The following CARMIL1 variants were observed in gnomAD, a reference collection of about 807,000 sequenced individuals.
CARMIL1 encodes the protein capping protein regulator and myosin 1 linker 1.
A neutral mutation model predicts 177.1 loss-of-function variants in CARMIL1; 90 were observed. The ratio of observed to expected loss-of-function variants is 0.51; its 90% CI spans 0.43 to 0.61. The LOEUF (loss-of-function observed/expected upper bound fraction) is 0.61, where lower values mean the gene tolerates loss of function less well. Among genes scored for constraint, CARMIL1 ranks in the 20% least tolerant of loss-of-function variants. The pLI is 0.00. For synonymous variants in CARMIL1, 577 were observed against 606.2 expected, an observed-to-expected ratio of 0.95 and a Z score of 0.71; for missense variants, 1,380 against 1,667.0, an observed-to-expected ratio of 0.83 and a Z score of 3.00.
intron 2 of CARMIL1, among the ~76,000 whole-genome samples, chr6:25,400,829 A>G (rs1300471489): frequency 1.3e-5 from 2 of 152,208 alleles, no homozygotes; most frequent in Admixed American, 1.3e-4. Context: ...CAGTGTCATC[A>G]TGAAACATAT....
chr6:25,456,340 C>T (rs1210220632), intron 8 of CARMIL1, among the ~76,000 whole-genome samples: 2 of 152,120 alleles, frequency 1.3e-5, no homozygotes, highest in Non-Finnish European at 2.9e-5. Flanking sequence ...GAATCTAGGA[C>T]CAGTCCCTCT....
intron 3 of CARMIL1, among the ~76,000 whole-genome samples, chr6:25,421,671 A>G (rs1044738314): frequency 2.3e-5 from 3 of 130,962 alleles, no homozygotes; most frequent in Non-Finnish European, 3.3e-5. Context: ...TGGCACATAT[A>G]CACCATGGAA....
At position 25,312,915 on chromosome 6, in the gene CARMIL1, A is replaced by AC. The variant is rs66466451; in HGVS notation, c.138+28006_138+28007insC. On this transcript the variant is annotated intron_variant, in intron 2 of 36. Coordinates refer to ENST00000329474, the MANE Select transcript of CARMIL1 (RefSeq NM_017640.6). ...TTTGCATGACTCAGTTAAAAAAAAA[A>AC]AAAAAAAAAAAAAAAACCAGAGGAG... Among the ~76,000 whole-genome samples, 7 of 118,230 alleles carry AC rather than the reference A, an allele frequency of 5.9e-5. No individual in the cohort carries two copies. The East Asian group carries it at 1.8e-3, about 30-fold the overall frequency. 77.6% of individuals were successfully genotyped at this position (118,230 alleles called of 152,430 possible).
chr6:25,599,278 C>T (rs1460709021), intron 32 of CARMIL1, among the ~76,000 whole-genome samples: 1 of 152,226 alleles, frequency 6.6e-6, no homozygotes, highest in East Asian at 1.9e-4. Context: ...GTCTCCCCGA[C>T]TGTTGGCTTA....
intron 2 of CARMIL1, among the ~76,000 whole-genome samples, chr6:25,374,699 A>G (rs1238694408): frequency 6.6e-6 from 1 of 152,184 alleles, no homozygotes; most frequent in Non-Finnish European, 1.5e-5. Flanking sequence ...TCTGGAGTTC[A>G]AGACTTAGGT....
In CARMIL1 at chr6:25,420,100, C is replaced by A; in HGVS notation, c.139-14C>A. 3 of 1,610,016 alleles carry A rather than the reference C, an allele frequency of 1.9e-6. No homozygotes were observed. Among genetic ancestry groups the A allele is most frequent in the Non-Finnish European group, 2.6e-6 (3 of 1,176,384 alleles). ...TTTGGTGCTTATACTGATGCTGCTGCTTCTGTCTTACAGGTCCTTACATCA... is the reference window on the plus strand; with the variant it reads ...TTTGGTGCTTATACTGATGCTGCTGATTCTGTCTTACAGGTCCTTACATCA... On this transcript the variant is annotated splice_polypyrimidine_tract_variant and intron_variant, in intron 2 of 36. Transcript: ENST00000329474.
At chr6:25,523,493 A>G (rs1806780307) in intron 23 of CARMIL1, among the ~76,000 whole-genome samples, 1 of 152,196 alleles carries the variant, frequency 6.6e-6, no homozygotes, top group Non-Finnish European at 1.5e-5. Context: ...ATCCAGTGAA[A>G]CAGTATATGT....
intron 2 of CARMIL1, among the ~76,000 whole-genome samples, chr6:25,296,378 G>A (rs2744294): frequency 0.72 from 109,917 of 152,110 alleles, 40,393 homozygotes; most frequent in African/African-American, 0.85. Context: ...GCTTTTCTGT[G>A]TCCTTTCAAA....
intron 33 of CARMIL1, among the ~76,000 whole-genome samples, chr6:25,601,384 G>A (rs1235985822): frequency 6.6e-6 from 1 of 152,254 alleles, no homozygotes; most frequent in East Asian, 1.9e-4. Flanking sequence ...ATGTTCCGGG[G>A]CCAGGTGAAA....
At chr6:25,588,359 G>A (rs1813971501) in intron 31 of CARMIL1, among the ~76,000 whole-genome samples, 1 of 151,864 alleles carries the variant, frequency 6.6e-6, no homozygotes, top group Non-Finnish European at 1.5e-5. Context: ...CTGGCCAGGG[G>A]ACACTACAGT....
chr6:25,329,148 A>G (rs1027666357), intron 2 of CARMIL1, among the ~76,000 whole-genome samples: 20 of 152,230 alleles, frequency 1.3e-4, no homozygotes, highest in Admixed American at 2.6e-4. Context: ...TATTTAAAAA[A>G]TTGATGTTGG....
In CARMIL1 at chr6:25,488,717, C is replaced by T. The variant is rs140543432; in HGVS notation, c.1065+132C>T. ...ATGACACCTTTGAATCATTTAGTTA[C>T]GAGCTTATGAAGTGTTTTACTGAAA... On this transcript the variant is annotated intron_variant, in intron 13 of 36. Transcript: ENST00000329474. 262 of 740,440 alleles carry T rather than the reference C, an allele frequency of 3.5e-4. No homozygotes were observed. In the East Asian group the frequency reaches 4.0e-3, roughly 11 times the overall value. 45.9% of individuals were successfully genotyped at this position (740,440 alleles called of 1,614,324 possible). A position where few individuals can be genotyped will look rare whatever the true frequency, so the allele number is the denominator to read the frequency against.
rs1447043579 is a variant in CARMIL1 at position 25,619,590 on chromosome 6, C to G, written c.*7C>G. On this transcript the variant is annotated 3_prime_UTR_variant, in exon 37 of 37. Transcript: ENST00000329474. ...AGAGTTTATTTTTGTGTAAAGGTCA[C>G]CCACGCAGAAGTCTTCCTGTGCAGG... The G allele has an allele frequency of 1.2e-6, 2 of 1,612,692 alleles. No individual in the cohort carries two copies. The highest frequency in any genetic ancestry group is 2.2e-5 in the South Asian group (2 of 90,872).
intron 2 of CARMIL1, among the ~76,000 whole-genome samples, chr6:25,337,993 C>T (rs1459188721): frequency 3.3e-5 from 5 of 152,120 alleles, no homozygotes; most frequent in East Asian, 1.9e-4. Flanking sequence ...TCCCTATCTT[C>T]CCCCTTCTTC....
intron 23 of CARMIL1, among the ~76,000 whole-genome samples, chr6:25,526,562 T>G (rs1482087663): frequency 2.6e-5 from 4 of 151,762 alleles, no homozygotes; most frequent in African/African-American, 9.7e-5. Context: ...TTCTTTTTTT[T>G]TTTCTTCTGA....
intron 23 of CARMIL1, among the ~76,000 whole-genome samples, chr6:25,526,090 A>G (rs1010150534): frequency 6.6e-6 from 1 of 151,750 alleles, no homozygotes; most frequent in African/African-American, 2.4e-5. Context: ...CGGGCGGATC[A>G]CAAGGTCAGG....
At chr6:25,306,948 G>A (rs1184219270) in intron 2 of CARMIL1, among the ~76,000 whole-genome samples, 1 of 143,564 alleles carries the variant, frequency 7.0e-6, no homozygotes, top group Non-Finnish European at 1.5e-5. Context: ...GCACGATCTC[G>A]GCTCACTGCA....
chr6:25,330,911 AGGAGGAG>A (rs1785563388), intron 2 of CARMIL1, among the ~76,000 whole-genome samples: 1 of 70,952 alleles, frequency 1.4e-5, no homozygotes, highest in Non-Finnish European at 2.8e-5. Context: ...TTTTTTTTTG[AGGAGGAG>A]GGAGGAGAAG....
At chr6:25,374,355 A>C (rs905961362) in intron 2 of CARMIL1, among the ~76,000 whole-genome samples, 2 of 152,160 alleles carry the variant, frequency 1.3e-5, no homozygotes, top group Non-Finnish European at 2.9e-5. Context: ...TTTGGAGATG[A>C]TTTCTAGTTT....
Sources: allele counts gnomAD v4.1 joint callset (sites outside exome capture counted in the v4.1 genomes callset), GRCh38; gene constraint gnomAD v4.1.1; transcripts MANE v1.5; gene names NCBI Gene and HGNC (gene_info 2026-07-23, HGNC 2026-07-21).